The following PRELID2 variants were observed in gnomAD, a reference collection of about 807,000 sequenced individuals.
PRELID2 encodes PRELI domain-containing protein 2.
A neutral mutation model predicts 28.4 loss-of-function variants in PRELID2; 25 were observed. That is an observed-to-expected ratio of 0.88 (90% CI 0.64 to 1.23). PRELID2 has a LOEUF of 1.23. Among genes scored for constraint, PRELID2 ranks in the 50% most tolerant of loss-of-function variants. The pLI is 0.00. For missense variants in PRELID2, 201 were observed against 214.4 expected (o/e 0.94, Z 0.39); for synonymous variants, 76 against 71.6 (o/e 1.06, Z -0.31).
In PRELID2 at chr5:145,479,084, G is replaced by C. The variant is rs146319493; in HGVS notation, n.71-5769C>G. Among the ~76,000 whole-genome samples, 449 of 152,226 alleles carry C rather than the reference G, an allele frequency of 2.9e-3. 1 individual carries two copies. Among genetic ancestry groups the C allele is most frequent in the African/African-American group, 0.01 (435 of 41,540 alleles). On this transcript the variant is annotated intron_variant and non_coding_transcript_variant, in intron 1 of 2. Coordinates refer to the PRELID2 transcript ENST00000510259. The stretch of plus-strand genomic sequence containing the variant: ...GACTCCATTGGCCAGGAAGATCCAA[G>C]GCTAAAATCTGCCTCAACATACTTT...
chr5:145,558,698 T>C (rs796402399), intron 1 of PRELID2, among the ~76,000 whole-genome samples: 3 of 152,180 alleles, frequency 2.0e-5, no homozygotes, highest in African/African-American at 4.8e-5. Context: ...ATCATGCTTA[T>C]CTTTAAAAAA....
intron 1 of PRELID2, among the ~76,000 whole-genome samples, chr5:145,625,740 CTGTG>C (rs1561523999): frequency 6.6e-6 from 1 of 152,132 alleles, no homozygotes; most frequent in African/African-American, 2.4e-5. Flanking sequence ...AAATGGAAAA[CTGTG>C]GTTACTGAAA....
chr5:145,740,285 TATATATATA>T (rs1325994433), intron 1 of PRELID2, among the ~76,000 whole-genome samples: 2 of 74,344 alleles, frequency 2.7e-5, no homozygotes, highest in Admixed American at 2.5e-4. Flanking sequence ...TATATATATA[TATATATATA>T]TATATATATA....
the PRELID2 span, among the ~76,000 whole-genome samples, chr5:145,435,053 C>A: frequency 6.6e-6 from 1 of 152,200 alleles, no homozygotes; most frequent in Admixed American, 6.5e-5. Context: ...TATCCTTGTT[C>A]TTCCAATATG....
chr5:145,467,863 G>A (rs542282566), downstream of PRELID2, among the ~76,000 whole-genome samples: 5 of 151,102 alleles, frequency 3.3e-5, no homozygotes, highest in East Asian at 7.8e-4. Flanking sequence ...TTATTTTCAA[G>A]TTTATTTTAA....
the PRELID2 span, among the ~76,000 whole-genome samples, chr5:145,291,824 G>A: frequency 6.6e-6 from 1 of 151,980 alleles, no homozygotes. Context: ...TCGGTGTCTT[G>A]GAAAAATGTT....
the PRELID2 span, among the ~76,000 whole-genome samples, chr5:145,341,716 G>GAAA: frequency 7.6e-6 from 1 of 131,130 alleles, no homozygotes; most frequent in Non-Finnish European, 1.7e-5. Context: ...CAAAATTTTA[G>GAAA]AAAAAAAAAA....
chr5:145,385,152 A>G, the PRELID2 span, among the ~76,000 whole-genome samples: 1 of 152,190 alleles, frequency 6.6e-6, no homozygotes, highest in Non-Finnish European at 1.5e-5. Context: ...TCTGCGTGTT[A>G]TACTGCATGT....
At chr5:145,492,972 G>T (rs10039970) in intron 1 of PRELID2, among the ~76,000 whole-genome samples, 6,557 of 140,392 alleles carry the variant, frequency 0.047, 995 homozygotes, top group African/African-American at 0.15. Flanking sequence ...TCAATGTTCT[G>T]TATTCACTTC....
chr5:145,373,034 A>AAT, the PRELID2 span, among the ~76,000 whole-genome samples: 9 of 116,376 alleles, frequency 7.7e-5, no homozygotes, highest in East Asian at 2.4e-4. Flanking sequence ...CAACATATAT[A>AAT]ATATGATATA....
chr5:145,565,461 A>T (rs190873442), intron 1 of PRELID2, among the ~76,000 whole-genome samples: 75 of 152,366 alleles, frequency 4.9e-4, no homozygotes, highest in Admixed American at 4.9e-3. Context: ...TAAATCTCAT[A>T]AACTAAGCCT....
the PRELID2 span, chr5:145,229,968 C>CG: frequency 1.3e-6 from 1 of 743,802 alleles, no homozygotes; most frequent in South Asian, 1.4e-5. Context: ...TGATTATGAG[C>CG]CGATTGATGA....
chr5:145,516,895 C>T (rs1447736123), intron 1 of PRELID2, among the ~76,000 whole-genome samples: 1 of 152,112 alleles, frequency 6.6e-6, no homozygotes, highest in Non-Finnish European at 1.5e-5. Context: ...GGAAAGGATT[C>T]CCTATTTAAT....
At chr5:145,512,004 C>A (rs1343913425) in intron 1 of PRELID2, among the ~76,000 whole-genome samples, 1 of 152,030 alleles carries the variant, frequency 6.6e-6, no homozygotes, top group Non-Finnish European at 1.5e-5. Flanking sequence ...AATCATAAGG[C>A]AAATCTTGTA....
intron 1 of PRELID2, among the ~76,000 whole-genome samples, chr5:145,550,470 G>A (rs1189425324): frequency 6.6e-6 from 1 of 152,146 alleles, no homozygotes; most frequent in Non-Finnish European, 1.5e-5. Context: ...AGTTGCTATG[G>A]AGGCTGAGGC....
At chr5:145,805,796 A>G (rs952987585) in intron 4 of PRELID2, among the ~76,000 whole-genome samples, 1 of 152,200 alleles carries the variant, frequency 6.6e-6, no homozygotes, top group Non-Finnish European at 1.5e-5. Context: ...GGTATAGCCT[A>G]TTGTTCCTAG....
intron 1 of PRELID2, among the ~76,000 whole-genome samples, chr5:145,678,033 T>A (rs886114860): frequency 6.6e-6 from 1 of 152,246 alleles, no homozygotes; most frequent in African/African-American, 2.4e-5. Flanking sequence ...GGGCAATGTC[T>A]GTAGAAGTTC....
chr5:145,355,948 C>T, the PRELID2 span, among the ~76,000 whole-genome samples: 3 of 152,050 alleles, frequency 2.0e-5, no homozygotes, highest in South Asian at 6.2e-4. Flanking sequence ...GCCATGTCTA[C>T]TCCACTCATG....
chr5:145,415,998 T>C, the PRELID2 span, among the ~76,000 whole-genome samples: 9 of 152,100 alleles, frequency 5.9e-5, no homozygotes, highest in South Asian at 2.1e-4. Flanking sequence ...TGGTATCTCA[T>C]TGTGGTTTTG....
Sources: allele counts gnomAD v4.1 joint callset (sites outside exome capture counted in the v4.1 genomes callset), GRCh38; gene constraint gnomAD v4.1.1; transcripts MANE v1.5; gene names NCBI Gene and HGNC (gene_info 2026-07-23, HGNC 2026-07-21).